Variants in DMD observed in about 807,000 individuals in gnomAD.
DMD encodes dystrophin.
In DMD, 63 loss-of-function variants were observed where a neutral mutation model predicts 330.1. The observed-to-expected ratio is 0.19, with a 90% CI of 0.16 to 0.24. DMD has a LOEUF of 0.24. Ranked by LOEUF, DMD falls within the 10% of genes least tolerant of loss-of-function variation. The pLI is 1.00. For missense variants in DMD, 3,344 were observed against 2,684.1 expected, an observed-to-expected ratio of 1.25 and a Z score of -5.43; for synonymous variants, 1,223 against 959.8, an observed-to-expected ratio of 1.27 and a Z score of -5.07.
intron 55 of DMD, among the ~76,000 whole-genome samples, chrX:31,620,178 C>T (rs1222890286): frequency 9.0e-6 from 1 of 111,522 alleles, no homozygotes; most frequent in Non-Finnish European, 1.9e-5. Flanking sequence ...GAGGTTCTCA[C>T]TGAACAATAG....
chrX:32,462,147 G>A (rs2098385676), intron 25 of DMD, among the ~76,000 whole-genome samples: 1 of 110,817 alleles, frequency 9.0e-6, no homozygotes, highest in African/African-American at 3.3e-5. Flanking sequence ...TTCATACCAA[G>A]ACCTCCAATA....
chrX:31,464,203 C>A (rs2066710470), intron 59 of DMD, among the ~76,000 whole-genome samples: 1 of 111,495 alleles, frequency 9.0e-6, no homozygotes, highest in East Asian at 2.8e-4. Flanking sequence ...CAGATGAACT[C>A]ATTAGCTGAA....
At chrX:32,418,971 T>TC (rs1375375884) in intron 29 of DMD, among the ~76,000 whole-genome samples, 10 of 18,933 alleles carry the variant, frequency 5.3e-4, no homozygotes, top group Middle Eastern at 0.042. Flanking sequence ...AGACTCTGTC[T>TC]CAAAAAAAAA....
In DMD at chrX:31,932,202, A is replaced by C. The variant is rs1430156647; in HGVS notation, c.6640T>G (p.Ser2214Ala). Residue 2214 changes from serine to alanine, a missense_variant, in exon 46 of 79, where the codon TCA becomes GCA. Coordinates refer to ENST00000357033, the MANE Select transcript of DMD (RefSeq NM_004006.3). ...TCATTTAAATCTCTTTGAAATTCTG[A>C]CAAGATATTCTTTTGTTCTTCTAGC... ...KRLEEQKNIL[S>A]EFQRDLNEFV... 10 of 1,188,946 alleles carry C rather than the reference A, an allele frequency of 8.4e-6. No individual in the cohort carries two copies. Among genetic ancestry groups the C allele is most frequent in the Non-Finnish European group, 1.0e-5 (9 of 876,478 alleles).
intron 55 of DMD, among the ~76,000 whole-genome samples, chrX:31,590,167 A>T (rs2076805110): frequency 9.3e-6 from 1 of 107,448 alleles, no homozygotes; most frequent in Admixed American, 1.0e-4. Flanking sequence ...TAAACTAAGT[A>T]AAAAAAAAAG....
chrX:32,682,526 AT>A (rs1236933254), intron 9 of DMD, among the ~76,000 whole-genome samples: 2 of 111,381 alleles, frequency 1.8e-5, no homozygotes, highest in Non-Finnish European at 3.8e-5. Flanking sequence ...ATTTGACCCC[AT>A]GAATTTTAGC....
intron 54 of DMD, among the ~76,000 whole-genome samples, chrX:31,654,915 A>G (rs1411785445): frequency 1.8e-5 from 2 of 111,287 alleles, no homozygotes; most frequent in Non-Finnish European, 3.8e-5. Flanking sequence ...TTAAAAGTGA[A>G]AAAATAAAAA....
intron 1 of DMD, among the ~76,000 whole-genome samples, chrX:33,024,347 C>T (rs1049970991): frequency 1.3e-4 from 15 of 112,061 alleles, no homozygotes; most frequent in African/African-American, 4.5e-4. Flanking sequence ...TAAAAACATG[C>T]ATGTGCATAT....
chrX:31,985,791 AC>A (rs2095504884), intron 44 of DMD, among the ~76,000 whole-genome samples: 2 of 112,248 alleles, frequency 1.8e-5, no homozygotes, highest in South Asian at 7.4e-4. Flanking sequence ...GGATGCTTTC[AC>A]AGAGAATAAT....
rs3061693 is a variant in DMD at position 31,351,725 on chromosome X, C to CAAAAAAAAAAAAAAAAAAAAAAAA, written c.9085-3092_9085-3091insTTTTTTTTTTTTTTTTTTTTTTTT. Among the ~76,000 whole-genome samples the CAAAAAAAAAAAAAAAAAAAAAAAA allele has an allele frequency of 3.2e-4, 17 of 53,023 alleles. 1 individual carries two copies. Among genetic ancestry groups the CAAAAAAAAAAAAAAAAAAAAAAAA allele is most frequent in the African/African-American group, 9.4e-4 (11 of 11,708 alleles). 46.0% of individuals were successfully genotyped at this position (53,023 alleles called of 115,157 possible). ...TAGGTAACAGAACAAGACTCCATCT[C>CAAAAAAAAAAAAAAAAAAAAAAAA]AAAAAAAAAAAAAAAAAAAGCAAAA... is the stretch of plus-strand genomic sequence containing the variant. On this transcript the variant is annotated intron_variant, in intron 60 of 78. Coordinates refer to ENST00000357033, the MANE Select transcript of DMD (RefSeq NM_004006.3).
intron 9 of DMD, among the ~76,000 whole-genome samples, chrX:32,663,987 G>C (rs1488735877): frequency 9.0e-6 from 1 of 111,270 alleles, no homozygotes; most frequent in Non-Finnish European, 1.9e-5. Context: ...AAAACAGCAG[G>C]ACTGCATTTT....
chrX:32,453,301 T>G (rs995463863), intron 26 of DMD, among the ~76,000 whole-genome samples: 1 of 111,047 alleles, frequency 9.0e-6, no homozygotes, highest in Non-Finnish European at 1.9e-5. Context: ...AAGTTTTAGT[T>G]GATAAATATG....
chrX:32,294,144 C>G (rs887710462), intron 42 of DMD, among the ~76,000 whole-genome samples: 39 of 111,678 alleles, frequency 3.5e-4, no homozygotes, highest in African/African-American at 1.2e-3. Flanking sequence ...TTTTAAGTCA[C>G]TGTCTCCATC....
chrX:31,947,023 G>A lies in DMD; in HGVS notation c.6615-14796C>T, dbSNP rs886849374. Among the ~76,000 whole-genome samples the A allele has an allele frequency of 3.6e-5, 4 of 111,630 alleles. No individual in the cohort carries two copies. In the Admixed American group the frequency reaches 3.8e-4, roughly 11 times the overall value. ...TTTGTGTCATATATATAGTAAATTTGCATCATACCAATATCAGGGAGAAAA... is the reference window on the plus strand; with the variant it reads ...TTTGTGTCATATATATAGTAAATTTACATCATACCAATATCAGGGAGAAAA... On this transcript the variant is annotated intron_variant, in intron 45 of 78. Transcript: ENST00000357033.
chrX:32,052,055 T>C, intron 44 of DMD, among the ~76,000 whole-genome samples: 1 of 112,377 alleles, frequency 8.9e-6, no homozygotes, highest in South Asian at 3.6e-4. Flanking sequence ...GGTAGAAATA[T>C]ATGCTTTTCT....
chrX:32,998,229 G>T (rs1337668658), intron 2 of DMD, among the ~76,000 whole-genome samples: 1 of 107,857 alleles, frequency 9.3e-6, no homozygotes, highest in African/African-American at 3.4e-5. Context: ...AATTAGCCCG[G>T]CATGGTGGTG....
rs1381593408 is a variant in DMD at position 33,010,045 on chromosome X, TGTGTATATATAC to T, written c.93+10082_93+10093del. Among the ~76,000 whole-genome samples, 9 of 42,370 alleles carry T rather than the reference TGTGTATATATAC, an allele frequency of 2.1e-4. 2 individuals carry two copies. Among genetic ancestry groups the T allele is most frequent in the Admixed American group, 8.2e-4 (3 of 3,679 alleles). The allele number at this position is 42,370 out of a possible 115,157, so 36.8% of individuals were successfully genotyped here. A position where few individuals can be genotyped will look rare whatever the true frequency, so the allele number is the denominator to read the frequency against. ...ATGTGTGTACATGTGTATATACACA[TGTGTATATATAC>T]GTGTATATATACACAAATGTGCACA... On this transcript the variant is annotated intron_variant, in intron 2 of 78. Transcript: ENST00000357033.
In DMD at chrX:32,462,542, T is replaced by C. The variant is rs775339316; in HGVS notation, c.3432+897A>G. Among the ~76,000 whole-genome samples the C allele has an allele frequency of 2.7e-3, 303 of 111,948 alleles. 1 individual carries two copies. Among genetic ancestry groups the C allele is most frequent in the African/African-American group, 9.5e-3 (292 of 30,880 alleles). On this transcript the variant is annotated intron_variant, in intron 25 of 78. Coordinates refer to ENST00000357033, the MANE Select transcript of DMD (RefSeq NM_004006.3). ...AATATTTAAATATAAGAGAGATATC[T>C]ATAAAATATTCTTCTGTAGAAAAAT...
chrX:33,057,475 T>C (rs1026120427), intron 1 of DMD, among the ~76,000 whole-genome samples: 1 of 112,244 alleles, frequency 8.9e-6, no homozygotes, highest in Admixed American at 9.5e-5. Flanking sequence ...TGACTAGAGG[T>C]ATTTTAGAAG....
Sources: gnomAD v4.1 joint callset for allele counts (sites outside exome capture counted in the v4.1 genomes callset) on GRCh38, gnomAD v4.1.1 for gene constraint, MANE v1.5 for transcripts, NCBI Gene and HGNC (gene_info 2026-07-23, HGNC 2026-07-21) for gene names.